The following PLPP4 variants were observed in gnomAD, a reference collection of about 807,000 sequenced individuals.
PLPP4 encodes phospholipid phosphatase 4, also known as diacylglycerol pyrophosphate like 2.
A neutral mutation model predicts 32.2 loss-of-function variants in PLPP4; 20 were observed. The ratio of observed to expected loss-of-function variants is 0.62; its 90% CI spans 0.44 to 0.90. PLPP4 has a LOEUF of 0.90. Ranked by LOEUF, PLPP4 falls within the 40% of genes least tolerant of loss-of-function variation. The probability of loss-of-function intolerance (pLI) is 0.00; values close to 1 mark genes in which losing one functional copy is unlikely to be tolerated. For missense variants in PLPP4, 257 were observed against 353.1 expected, an observed-to-expected ratio of 0.73 and a Z score of 2.18; for synonymous variants, 127 against 133.0, an observed-to-expected ratio of 0.95 and a Z score of 0.31.
At chr10:120,572,908 AG>A (rs1261921357) in intron 5 of PLPP4, among the ~76,000 whole-genome samples, 1 of 152,236 alleles carries the variant, frequency 6.6e-6, no homozygotes, top group African/African-American at 2.4e-5. Context: ...TATCTAGAGC[AG>A]GGCTGGGCCA....
rs902100185 is a variant in PLPP4 at position 120,589,585 on chromosome 10, A to G, written c.*83A>G. On this transcript the variant is annotated 3_prime_UTR_variant, in exon 7 of 7. Coordinates refer to ENST00000398250, the MANE Select transcript of PLPP4 (RefSeq NM_001030059.3). The stretch of plus-strand genomic sequence containing the variant: ...TAACACAATAGAAATGGTTTTCTGT[A>G]GTGTATTTTTCATCAGTTGTTTCTC... 4 of 1,100,166 alleles carry G rather than the reference A, an allele frequency of 3.6e-6. No homozygotes were observed. The African/African-American group carries it at 4.7e-5, about 13-fold the overall frequency. 68.2% of individuals were successfully genotyped at this position (1,100,166 alleles called of 1,614,324 possible).
intron 5 of PLPP4, among the ~76,000 whole-genome samples, chr10:120,534,551 T>C (rs371202356): frequency 1.3e-5 from 2 of 152,236 alleles, no homozygotes; most frequent in African/African-American, 2.4e-5. Context: ...CCTCCTCTCT[T>C]ATTACTTCTT....
chr10:120,496,522 ATCT>A (rs1589764754), intron 1 of PLPP4, among the ~76,000 whole-genome samples: 1 of 152,268 alleles, frequency 6.6e-6, no homozygotes, highest in Non-Finnish European at 1.5e-5. Flanking sequence ...CAATCTAGAC[ATCT>A]TCTTAAAGCA....
chr10:120,492,786 T>G (rs1208765666), intron 1 of PLPP4, among the ~76,000 whole-genome samples: 1 of 152,220 alleles, frequency 6.6e-6, no homozygotes, highest in Non-Finnish European at 1.5e-5. Flanking sequence ...TGCCAACATT[T>G]TATCCTGAAA....
intron 5 of PLPP4, among the ~76,000 whole-genome samples, chr10:120,558,305 C>T (rs1407678802): frequency 6.6e-6 from 1 of 151,882 alleles, no homozygotes; most frequent in African/African-American, 2.4e-5. Flanking sequence ...GGGAGTCACA[C>T]AGCATATGTT....
intron 5 of PLPP4, among the ~76,000 whole-genome samples, chr10:120,541,439 T>C (rs929203116): frequency 1.3e-5 from 2 of 152,240 alleles, no homozygotes; most frequent in African/African-American, 4.8e-5. Context: ...AGGTACCTAC[T>C]GGAATGCACT....
chr10:120,476,629 A>T (rs1183975772), intron 1 of PLPP4, among the ~76,000 whole-genome samples: 1 of 152,092 alleles, frequency 6.6e-6, no homozygotes, highest in Non-Finnish European at 1.5e-5. Context: ...ACAAACCCAC[A>T]CTCAGATGCA....
intron 5 of PLPP4, among the ~76,000 whole-genome samples, chr10:120,562,042 T>C (rs756752457): frequency 6.6e-6 from 1 of 152,206 alleles, no homozygotes; most frequent in African/African-American, 2.4e-5. Context: ...AGGGTTCAAT[T>C]TGGGGAGAAG....
At chr10:120,503,001 T>G (rs1421560355) in intron 1 of PLPP4, among the ~76,000 whole-genome samples, 1 of 152,150 alleles carries the variant, frequency 6.6e-6, no homozygotes, top group Non-Finnish European at 1.5e-5. Context: ...GCCATCCATT[T>G]CCTCCCCAAT....
chr10:120,521,242 C>G lies in PLPP4; in HGVS notation c.445+147C>G. ...CACTTTACGGCGTTTGACTTAGAAA[C>G]AAGATTATTCAACAGGAAGTAATAT... On this transcript the variant is annotated intron_variant, in intron 5 of 6. Transcript: ENST00000398250. The G allele has an allele frequency of 5.2e-6, 5 of 967,606 alleles. No individual in the cohort carries two copies. The South Asian group carries it at 8.8e-5, about 17-fold the overall frequency. 59.9% of individuals were successfully genotyped at this position (967,606 alleles called of 1,614,324 possible). A position where few individuals can be genotyped will look rare whatever the true frequency, so the allele number is the denominator to read the frequency against.
chr10:120,517,893 A>G (rs1845996318), intron 3 of PLPP4, among the ~76,000 whole-genome samples: 1 of 152,250 alleles, frequency 6.6e-6, no homozygotes, highest in African/African-American at 2.4e-5. Context: ...ATATTCTTAT[A>G]TAAATCTCAG....
At chr10:120,580,844 C>T in intron 6 of PLPP4, 1 of 1,269,032 alleles carries the variant, frequency 7.9e-7, no homozygotes. Context: ...TGAAATTCTC[C>T]CTCTAATATC....
At chr10:120,510,589 A>G (rs1845685499) in intron 2 of PLPP4, among the ~76,000 whole-genome samples, 1 of 152,122 alleles carries the variant, frequency 6.6e-6, no homozygotes, top group Admixed American at 6.5e-5. Flanking sequence ...AAAGAGTGGA[A>G]TGCTTATGCA....
intron 6 of PLPP4, among the ~76,000 whole-genome samples, chr10:120,586,299 ATTT>A (rs3067612): frequency 8.7e-5 from 12 of 137,558 alleles, no homozygotes; most frequent in African/African-American, 2.2e-4. Flanking sequence ...ACACCTGGCT[ATTT>A]TTTTTTTTTT....
intron 5 of PLPP4, among the ~76,000 whole-genome samples, chr10:120,544,249 G>A (rs1398916638): frequency 6.6e-6 from 1 of 152,108 alleles, no homozygotes; most frequent in African/African-American, 2.4e-5. Context: ...CATATCCAAC[G>A]TCCTTGCCAA....
chr10:120,499,150 T>C lies in PLPP4; in HGVS notation c.57-4668T>C, dbSNP rs189640542. Among the ~76,000 whole-genome samples the C allele has an allele frequency of 1.5e-3, 234 of 152,342 alleles. 3 individuals carry two copies. The South Asian group carries it at 0.024, about 16-fold the overall frequency. ...AAGAGTTGCTGCAATTTCTTTAGCCTTTTCTTGAAAAACTCAAGGACGTCT... is the reference window on the plus strand; with the variant it reads ...AAGAGTTGCTGCAATTTCTTTAGCCCTTTCTTGAAAAACTCAAGGACGTCT... On this transcript the variant is annotated intron_variant, in intron 1 of 6. Coordinates refer to ENST00000398250, the MANE Select transcript of PLPP4 (RefSeq NM_001030059.3).
intron 5 of PLPP4, 98 bp from the exon 6 acceptor site, chr10:120,575,033 T>A: frequency 7.6e-7 from 1 of 1,314,258 alleles, no homozygotes. Context: ...GGCCTTGGCC[T>A]TGGGGGTGTG....
intron 6 of PLPP4, among the ~76,000 whole-genome samples, chr10:120,579,843 C>T (rs1479246712): frequency 6.6e-6 from 1 of 151,410 alleles, no homozygotes; most frequent in Non-Finnish European, 1.5e-5. Flanking sequence ...CGCGGTGGCT[C>T]ATGCCTGTAA....
chr10:120,489,451 A>G (rs1589753182), intron 1 of PLPP4, among the ~76,000 whole-genome samples: 3 of 152,330 alleles, frequency 2.0e-5, no homozygotes, highest in East Asian at 3.9e-4. Context: ...CAGACGAGCT[A>G]GCAGCCAGTT....
Sources: gnomAD v4.1 joint callset for allele counts (sites outside exome capture counted in the v4.1 genomes callset) on GRCh38, gnomAD v4.1.1 for gene constraint, MANE v1.5 for transcripts, NCBI Gene and HGNC (gene_info 2026-07-23, HGNC 2026-07-21) for gene names.